C1QTNF8: variants seen among roughly 807,000 people sequenced by gnomAD.
The protein encoded by C1QTNF8 is C1q and TNF related 8, also known as complement C1q tumor necrosis factor-related protein 8.
In C1QTNF8, 27 loss-of-function variants were observed where a neutral mutation model predicts 19.2. The observed-to-expected ratio is 1.41, with a 90% CI of 1.04 to 1.94. C1QTNF8 has a LOEUF of 1.94. Among genes scored for constraint, C1QTNF8 ranks in the 30% most tolerant of loss-of-function variants. C1QTNF8 has a pLI of 0.00. For missense variants in C1QTNF8, 484 were observed against 374.4 expected (o/e 1.29, Z -2.42); for synonymous variants, 208 against 172.8 (o/e 1.20, Z -1.60).
chr16:1,093,464 G>T (rs995224341), intron 4 of C1QTNF8, 33 bp downstream of exon 4: 1 of 1,333,820 alleles, frequency 7.5e-7, no homozygotes, highest in Non-Finnish European at 9.8e-7. Flanking sequence ...ACACGCGCGC[G>T]CGCGCCCGGT....
intron 2 of C1QTNF8, among the ~76,000 whole-genome samples, chr16:1,095,388 C>A (rs13339412): frequency 0.058 from 8,887 of 152,282 alleles, 502 homozygotes; most frequent in African/African-American, 0.15. Context: ...ACAGAGGCAC[C>A]GTCTCAGCCA....
chr16:1,090,762 C>T (rs1410943529), intron 4 of C1QTNF8, among the ~76,000 whole-genome samples, 168 bp from the exon 5 acceptor site: 3 of 152,200 alleles, frequency 2.0e-5, no homozygotes, highest in African/African-American at 7.2e-5. Flanking sequence ...TGCCCCCAGG[C>T]CTGGCCCAGT....
rs1275210876 is a variant in C1QTNF8 at position 1,089,037 on chromosome 16, T to G, written c.*1562A>C. ...TCTTCCTCAGGACCACCTGCCACCC[T>G]GGCAGCACAGGCTCACTGGAATCAC... On this transcript the variant is annotated 3_prime_UTR_variant, in exon 5 of 5. Coordinates refer to ENST00000328449, the MANE Select transcript of C1QTNF8 (RefSeq NM_207419.3). Among the ~76,000 whole-genome samples the G allele has an allele frequency of 6.6e-6, 1 of 152,122 alleles. No homozygotes were observed. Among genetic ancestry groups the G allele is most frequent in the East Asian group, 1.9e-4 (1 of 5,174 alleles).
rs2467441 is a variant in C1QTNF8 at position 1,088,797 on chromosome 16, C to T, written c.*1802G>A. Among the ~76,000 whole-genome samples, 279 of 149,060 alleles carry T rather than the reference C, an allele frequency of 1.9e-3. 2 individuals are homozygous for T. Among genetic ancestry groups the T allele is most frequent in the Admixed American group, 9.0e-3 (135 of 14,918 alleles). On this transcript the variant is annotated 3_prime_UTR_variant, in exon 5 of 5. Transcript: ENST00000328449. ...TGCCCGCCTGACCCCTGCTGCAGCC[C>T]GACCCCTGCCCGCCTGACCCCTGCT...
rs188156886 is a variant in C1QTNF8, at chr16:1,090,053, C to T, written c.*546G>A. The T allele has an allele frequency of 9.5e-3, 1,443 of 152,634 alleles. 15 individuals are homozygous for T. The highest frequency in any genetic ancestry group is 0.014 in the Non-Finnish European group (931 of 68,280). 9.5% of individuals were successfully genotyped at this position (152,634 alleles called of 1,614,324 possible). On this transcript the variant is annotated 3_prime_UTR_variant, in exon 5 of 5. Coordinates refer to ENST00000328449, the MANE Select transcript of C1QTNF8 (RefSeq NM_207419.3). ...TCCGGGTCCAGCCCCAGCGCCAGTGCCCCTCCTGTCTCTAGCAGGGCCAGG... is the reference window on the plus strand; with the variant it reads ...TCCGGGTCCAGCCCCAGCGCCAGTGTCCCTCCTGTCTCTAGCAGGGCCAGG...
At chr16:1,094,653 C>A in intron 3 of C1QTNF8, 62 bp downstream of exon 3, 1 of 1,431,998 alleles carries the variant, frequency 7.0e-7, no homozygotes. Context: ...AGGTGCTCCC[C>A]ACTCCCTGTG....
At position 1,089,782 on chromosome 16, in the gene C1QTNF8, G is replaced by C. The variant is rs1375184653; in HGVS notation, c.*817C>G. On this transcript the variant is annotated 3_prime_UTR_variant, in exon 5 of 5. Transcript: ENST00000328449. ...GTAGGGCTGGGGGTGTCCCGGTCGG[G>C]GTGGGAGGCCTGGGGTCTGCCAATC... Among the ~76,000 whole-genome samples, 1 of 152,126 alleles carries C rather than the reference G, an allele frequency of 6.6e-6. No individual in the cohort carries two copies. The highest frequency in any genetic ancestry group is 1.9e-4 in the East Asian group (1 of 5,166).
chr16:1,091,531 G>A (rs1246562897), intron 4 of C1QTNF8, among the ~76,000 whole-genome samples: 1 of 152,124 alleles, frequency 6.6e-6, no homozygotes, highest in African/African-American at 2.4e-5. Context: ...GGGTAACAGA[G>A]GCTTCCAGTG....
intron 2 of C1QTNF8, among the ~76,000 whole-genome samples, chr16:1,095,295 C>CAG (rs1204888631): frequency 3.9e-5 from 6 of 152,194 alleles, no homozygotes; most frequent in Non-Finnish European, 8.8e-5. Flanking sequence ...TGTGGCTGGG[C>CAG]AGAGCCCTGG....
intron 4 of C1QTNF8, among the ~76,000 whole-genome samples, chr16:1,091,276 G>C (rs540808020): frequency 6.6e-6 from 1 of 152,122 alleles, no homozygotes; most frequent in Admixed American, 6.5e-5. Flanking sequence ...ATGCTTTATG[G>C]AAGGCCTTGT....
chr16:1,089,750 A>C lies in C1QTNF8; in HGVS notation c.*849T>G, dbSNP rs1960504965. Among the ~76,000 whole-genome samples, 1 of 151,962 alleles carries C rather than the reference A, an allele frequency of 6.6e-6. No individual in the cohort carries two copies. Among genetic ancestry groups the C allele is most frequent in the Non-Finnish European group, 1.5e-5 (1 of 67,950 alleles). ...CCTCTTAGCGCCACCGGCCGTCAGC[A>C]CACGGGGTAGGGCTGGGGGTGTCCC... On this transcript the variant is annotated 3_prime_UTR_variant, in exon 5 of 5. Coordinates refer to ENST00000328449, the MANE Select transcript of C1QTNF8 (RefSeq NM_207419.3).
chr16:1,090,936 C>T (rs1960531638), intron 4 of C1QTNF8, among the ~76,000 whole-genome samples: 1 of 152,234 alleles, frequency 6.6e-6, no homozygotes, highest in African/African-American at 2.4e-5. Flanking sequence ...CTACCTCCCT[C>T]CTCGGCTGGC....
In C1QTNF8 at chr16:1,089,174, G is replaced by A. The variant is rs1386469821; in HGVS notation, c.*1425C>T. On this transcript the variant is annotated 3_prime_UTR_variant, in exon 5 of 5. Coordinates refer to ENST00000328449, the MANE Select transcript of C1QTNF8 (RefSeq NM_207419.3). ...ACAGAACAGGCAGCCTGCGAGAGGA[G>A]ATGTCCTCCCTGGCCCTGGGGTGGT... is the stretch of plus-strand genomic sequence containing the variant. 1.3e-5 allele frequency among the ~76,000 whole-genome samples: 2 copies of A among 152,146 alleles called. No homozygotes were observed. The highest frequency in any genetic ancestry group is 4.8e-5 in the African/African-American group (2 of 41,424).
In C1QTNF8 at chr16:1,093,875, T is replaced by C. The variant is rs1960625878; in HGVS notation, c.385A>G (p.Ser129Gly). The change falls in exon 4 of 5, where the codon AGC becomes GGC. Residue 129 changes from serine (S) to glycine (G), a missense_variant. Transcript: ENST00000328449. The part of the protein sequence containing the change: ...FSVGRREGLH[S>G]SDHFQAVPFD... Reference sequence around the variant, plus strand: ...GGCACCGCCTGGAAGTGGTCGGAGCTGTGCAGGCCCTCGCGCCGGCCCACG... The same window carrying C: ...GGCACCGCCTGGAAGTGGTCGGAGCCGTGCAGGCCCTCGCGCCGGCCCACG... 6.3e-7 allele frequency: 1 copy of C among 1,580,698 alleles called. No individual in the cohort carries two copies. Among genetic ancestry groups the C allele is most frequent in the Non-Finnish European group, 8.6e-7 (1 of 1,169,502 alleles).
At chr16:1,095,812 G>A (rs950640435) in intron 1 of C1QTNF8, 24 bp from the exon 2 acceptor site, 4 of 152,278 alleles carry the variant, frequency 2.6e-5, no homozygotes, top group Admixed American at 2.6e-4. Flanking sequence ...TTCCAGGTGG[G>A]TGGAATGTCT....
chr16:1,091,706 G>A (rs1960547234), intron 4 of C1QTNF8, among the ~76,000 whole-genome samples: 2 of 152,088 alleles, frequency 1.3e-5, no homozygotes, highest in Non-Finnish European at 1.5e-5. Context: ...TCCGGCTCTG[G>A]TGCCCATCAG....
Position 1,093,978 on chromosome 16 carries a change from GC to G in C1QTNF8, c.281del (p.Gly94AlafsTer50), listed in dbSNP as rs142667444. 4 of 1,465,604 alleles carry G rather than the reference GC, an allele frequency of 2.7e-6. No individual in the cohort carries two copies. The highest frequency in any genetic ancestry group is 1.4e-5 in the South Asian group (1 of 72,308). The allele number at this position is 1,465,604 out of a possible 1,614,324, so 90.8% of individuals were successfully genotyped here. A position where few individuals can be genotyped will look rare whatever the true frequency, so the allele number is the denominator to read the frequency against. On this transcript the variant is annotated frameshift_variant, in exon 4 of 5. Transcript: ENST00000328449. LOFTEE classifies it high-confidence loss of function. The stretch of plus-strand genomic sequence containing the variant: ...CCTTCTGGCCTCTGCGGCCCTGCAG[GC>G]CCCGGGCGCCTGGCGGCCCCTCTTT... Reference protein sequence around the residue: ...SGKEGPPGARGLQGRRGQKGQ... With the variant: ...SGKEGPPGARXLQGRRGQKGQ...
rs1461099462 is a variant in C1QTNF8, at chr16:1,094,008, G to A, written c.252C>T (p.Ser84=). 22 of 1,484,498 alleles carry A rather than the reference G, an allele frequency of 1.5e-5. No homozygotes were observed. The highest frequency in any genetic ancestry group is 5.1e-5 in the Admixed American group (2 of 39,274). The allele number at this position is 1,484,498 out of a possible 1,614,324, so 92.0% of individuals were successfully genotyped here. A position where few individuals can be genotyped will look rare whatever the true frequency, so the allele number is the denominator to read the frequency against. Residue 84 remains serine (S), a synonymous_variant, in exon 4 of 5, where the codon AGC becomes AGT. Transcript: ENST00000328449. ...EAGVRGRAGR[S]GKEGPPGARG... is the part of the protein sequence containing the mutation. ...GGGCGCCTGGCGGCCCCTCTTTCCC[G>A]CTCCTGCCGGCCCGACCTCGGACGC...
chr16:1,092,695 C>T (rs1960577040), intron 4 of C1QTNF8, among the ~76,000 whole-genome samples: 1 of 109,352 alleles, frequency 9.1e-6, no homozygotes, highest in Non-Finnish European at 1.8e-5. Context: ...CTCAACCAAT[C>T]CCTGCACACA....
Sources: allele counts gnomAD v4.1 joint callset (sites outside exome capture counted in the v4.1 genomes callset), GRCh38; gene constraint gnomAD v4.1.1; transcripts MANE v1.5; gene names NCBI Gene and HGNC (gene_info 2026-07-23, HGNC 2026-07-21).